The following NKAIN2 variants were observed in gnomAD, a reference collection of about 807,000 sequenced individuals.
The protein encoded by NKAIN2 is sodium/potassium-transporting ATPase subunit beta-1-interacting protein 2.
A neutral mutation model predicts 32.6 loss-of-function variants in NKAIN2; 14 were observed. The ratio of observed to expected loss-of-function variants is 0.43; its 90% CI spans 0.28 to 0.67. NKAIN2 has a LOEUF of 0.67. Among genes scored for constraint, NKAIN2 ranks in the 30% least tolerant of loss-of-function variants. The probability of loss-of-function intolerance (pLI) is 0.17; values close to 1 mark genes in which losing one functional copy is unlikely to be tolerated. For synonymous variants in NKAIN2, 80 were observed against 87.2 expected, an observed-to-expected ratio of 0.92 and a Z score of 0.46; for missense variants, 198 against 258.3, an observed-to-expected ratio of 0.77 and a Z score of 1.60.
At chr6:124,271,939 C>T (rs541014632) in intron 1 of NKAIN2, among the ~76,000 whole-genome samples, 15 of 152,118 alleles carry the variant, frequency 9.9e-5, no homozygotes, top group South Asian at 2.1e-4. Context: ...GGGTATCTGG[C>T]GGAAGAAATT....
At chr6:124,627,141 G>A (rs113144748) in intron 3 of NKAIN2, among the ~76,000 whole-genome samples, 13,336 of 151,958 alleles carry the variant, frequency 0.088, 624 homozygotes, top group East Asian at 0.17. Context: ...ATGATGGTGC[G>A]CAGCTGTAAT....
chr6:124,525,109 G>A (rs2114806590), intron 3 of NKAIN2, among the ~76,000 whole-genome samples: 1 of 152,196 alleles, frequency 6.6e-6, no homozygotes, highest in South Asian at 2.1e-4. Context: ...GTGAACCGTT[G>A]ACAGAAACTG....
In NKAIN2 at chr6:124,148,238, A is replaced by G. The variant is rs1014195370; in HGVS notation, c.55-134767A>G. Among the ~76,000 whole-genome samples the G allele has an allele frequency of 2.0e-5, 3 of 152,262 alleles. No homozygotes were observed. In the East Asian group the frequency reaches 5.8e-4, roughly 29 times the overall value. On this transcript the variant is annotated intron_variant, in intron 1 of 6. Transcript: ENST00000368417. ...TGTGATTACTATTTTAACATTTTAAATAATAGCTTTATTTGAAAAAATGCG... is the reference window on the plus strand; with the variant it reads ...TGTGATTACTATTTTAACATTTTAAGTAATAGCTTTATTTGAAAAAATGCG...
At chr6:123,829,975 G>C (rs1329937561) in intron 1 of NKAIN2, among the ~76,000 whole-genome samples, 3 of 152,106 alleles carry the variant, frequency 2.0e-5, no homozygotes, top group African/African-American at 7.2e-5. Context: ...TATCAAAGAA[G>C]TCTATAATTT....
intron 1 of NKAIN2, among the ~76,000 whole-genome samples, chr6:123,992,765 C>T (rs747852759): frequency 1.1e-4 from 17 of 152,196 alleles, no homozygotes; most frequent in Non-Finnish European, 1.9e-4. Flanking sequence ...CAATGGCCAA[C>T]TAAAATGGCC....
At chr6:123,847,826 A>T (rs556166449) in intron 1 of NKAIN2, among the ~76,000 whole-genome samples, 35 of 152,224 alleles carry the variant, frequency 2.3e-4, no homozygotes, top group Middle Eastern at 3.4e-3. Context: ...AAAAAATCTT[A>T]AAAAAATGCT....
At chr6:124,119,528 G>T (rs533453286) in intron 1 of NKAIN2, among the ~76,000 whole-genome samples, 1 of 152,110 alleles carries the variant, frequency 6.6e-6, no homozygotes, top group Non-Finnish European at 1.5e-5. Context: ...CATAGTTTGG[G>T]CCCTAAAGAA....
At chr6:124,070,064 C>T (rs1028193254) in intron 1 of NKAIN2, among the ~76,000 whole-genome samples, 4 of 152,182 alleles carry the variant, frequency 2.6e-5, no homozygotes, top group South Asian at 2.1e-4. Flanking sequence ...ATTGTACCTT[C>T]GGCCACACCA....
At chr6:124,267,364 C>T (rs915990377) in intron 1 of NKAIN2, among the ~76,000 whole-genome samples, 9 of 151,788 alleles carry the variant, frequency 5.9e-5, no homozygotes, top group African/African-American at 2.2e-4. Context: ...TATTTTTCAG[C>T]CAGGCACAGT....
intron 1 of NKAIN2, among the ~76,000 whole-genome samples, chr6:123,860,711 T>C (rs949132900): frequency 6.6e-6 from 1 of 152,192 alleles, no homozygotes; most frequent in Admixed American, 6.5e-5. Flanking sequence ...TGCGTGGCAA[T>C]AGTGTATATA....
At position 124,759,660 on chromosome 6, in the gene NKAIN2, CT is replaced by C. The variant is rs1361451482; in HGVS notation, c.475-31678del. The stretch of plus-strand genomic sequence containing the variant: ...ACACACACACACACACACACACCCC[CT>C]ATCTCCCTTTCCTGCCTTATTTTCC... On this transcript the variant is annotated intron_variant, in intron 4 of 6. Transcript: ENST00000368417. Among the ~76,000 whole-genome samples, 5 of 142,060 alleles carry C rather than the reference CT, an allele frequency of 3.5e-5. No individual in the cohort carries two copies. In the East Asian group the frequency reaches 6.5e-4, roughly 18 times the overall value. 93.2% of individuals were successfully genotyped at this position (142,060 alleles called of 152,430 possible).
intron 3 of NKAIN2, among the ~76,000 whole-genome samples, chr6:124,384,962 T>C (rs920708407): frequency 6.6e-6 from 1 of 152,204 alleles, no homozygotes; most frequent in Non-Finnish European, 1.5e-5. Flanking sequence ...CAATTCCTTT[T>C]AACTTGCTTT....
intron 3 of NKAIN2, among the ~76,000 whole-genome samples, chr6:124,396,764 C>G (rs996605124): frequency 6.6e-6 from 1 of 152,068 alleles, no homozygotes; most frequent in Non-Finnish European, 1.5e-5. Context: ...TATGAGGCAT[C>G]AAAGATGACC....
intron 6 of NKAIN2, chr6:124,819,073 T>A: frequency 1.3e-6 from 1 of 786,022 alleles, no homozygotes; most frequent in Non-Finnish European, 1.5e-6. Flanking sequence ...CTGATTTTTA[T>A]ATCTGTGTTT....
At chr6:124,522,172 G>T (rs924078362) in intron 3 of NKAIN2, among the ~76,000 whole-genome samples, 1 of 151,958 alleles carries the variant, frequency 6.6e-6, no homozygotes, top group Admixed American at 6.6e-5. Flanking sequence ...CTGGACCAGG[G>T]TTCGGCACAT....
intron 1 of NKAIN2, among the ~76,000 whole-genome samples, chr6:124,184,390 C>T (rs910699908): frequency 6.6e-6 from 1 of 152,078 alleles, no homozygotes; most frequent in African/African-American, 2.4e-5. Flanking sequence ...CTGGATCCCT[C>T]CTTATGTTTT....
At chr6:124,031,240 A>G (rs1781388291) in intron 1 of NKAIN2, among the ~76,000 whole-genome samples, 1 of 152,056 alleles carries the variant, frequency 6.6e-6, no homozygotes, top group Non-Finnish European at 1.5e-5. Flanking sequence ...GCCTTTAAAT[A>G]GAGTGCTGGT....
intron 1 of NKAIN2, among the ~76,000 whole-genome samples, chr6:124,157,258 CACACACACAT>C (rs1042221181): frequency 3.9e-4 from 38 of 96,968 alleles, no homozygotes; most frequent in South Asian, 1.7e-3. Context: ...TGGACACACA[CACACACACAT>C]ACACACACAC....
intron 1 of NKAIN2, among the ~76,000 whole-genome samples, chr6:124,072,731 A>T (rs1218807312): frequency 6.6e-6 from 1 of 152,176 alleles, no homozygotes; most frequent in Non-Finnish European, 1.5e-5. Flanking sequence ...AATATTTCAA[A>T]ATCCACTTCT....
Sources: gnomAD v4.1 joint callset for allele counts (sites outside exome capture counted in the v4.1 genomes callset) on GRCh38, gnomAD v4.1.1 for gene constraint, MANE v1.5 for transcripts, NCBI Gene and HGNC (gene_info 2026-07-23, HGNC 2026-07-21) for gene names.